IL2RA: variants seen among roughly 807,000 people sequenced by gnomAD.
IL2RA encodes the protein interleukin 2 receptor subunit alpha.
IL2RA carries 24 observed loss-of-function variants against 37.8 expected under a neutral mutation model. The ratio of observed to expected loss-of-function variants is 0.63; its 90% CI spans 0.46 to 0.89. IL2RA has a LOEUF of 0.89. Ranked by LOEUF, IL2RA falls within the 40% of genes least tolerant of loss-of-function variation. The pLI is 0.00. For synonymous variants in IL2RA, 125 were observed against 114.6 expected, an observed-to-expected ratio of 1.09 and a Z score of -0.58; for missense variants, 319 against 348.6, an observed-to-expected ratio of 0.92 and a Z score of 0.68.
At chr10:6,041,584 A>G (rs562519271) in intron 1 of IL2RA, among the ~76,000 whole-genome samples, 1 of 152,354 alleles carries the variant, frequency 6.6e-6, no homozygotes, top group Admixed American at 6.5e-5. Context: ...AATAGCATAA[A>G]TAAGTCCAAA....
At position 6,035,979 on chromosome 10, in the gene IL2RA, C is replaced by G. The variant is rs1342033166; in HGVS notation, c.65-9954G>C. On this transcript the variant is annotated intron_variant, in intron 1 of 7. Transcript: ENST00000379959. The surrounding 1 kb of genome is among the most constrained non-coding windows in gnomAD (Gnocchi z 5.4). ...GCTGAAGGGTAACATCCCTTGGGAG[C>G]TTTTGCCTTGTCTGGCTGACGCCTT... 6.6e-6 allele frequency: 1 copy of G among 152,312 alleles called. No homozygotes were observed. Among genetic ancestry groups the G allele is most frequent in the Non-Finnish European group, 1.5e-5 (1 of 68,094 alleles). The allele number at this position is 152,312 out of a possible 1,614,324, so 9.4% of individuals were successfully genotyped here.
intron 1 of IL2RA, among the ~76,000 whole-genome samples, chr10:6,045,521 G>A (rs902476989): frequency 2.6e-5 from 4 of 152,168 alleles, no homozygotes; most frequent in East Asian, 3.9e-4. Context: ...ACAGGCTTCC[G>A]GGCATGAAAG....
At chr10:6,041,361 C>T (rs919862342) in intron 1 of IL2RA, among the ~76,000 whole-genome samples, 7 of 151,986 alleles carry the variant, frequency 4.6e-5, no homozygotes, top group African/African-American at 1.4e-4. Context: ...GTGATCCACC[C>T]GCCTCGGCCT....
chr10:6,038,741 G>T (rs1224999616), intron 1 of IL2RA, among the ~76,000 whole-genome samples: 2 of 152,296 alleles, frequency 1.3e-5, no homozygotes, highest in East Asian at 3.9e-4. Flanking sequence ...TTGTTCTAAG[G>T]TTATTTATTA....
Position 6,021,549 on chromosome 10 carries a change from G to A in IL2RA, c.512C>T (p.Thr171Ile). Residue 171 changes from threonine (T) to isoleucine (I), a missense_variant, in exon 4 of 8, where the codon ACC becomes ATC. Coordinates refer to ENST00000379959, the MANE Select transcript of IL2RA (RefSeq NM_000417.3). This position sits in a 1 kb window ranked among gnomAD's most constrained non-coding sequence, Gnocchi z 4.9. ...RGPAESVCKM[T>I]HGKTRWTQPQ... ...CTGGGTCCACCTTGTCTTCCCGTGG[G>A]TCATTTTGCAGACGCTCTCAGCAGG... The A allele has an allele frequency of 6.2e-7, 1 of 1,613,954 alleles. No homozygotes were observed. Among genetic ancestry groups the A allele is most frequent in the Non-Finnish European group, 8.5e-7 (1 of 1,179,962 alleles).
At chr10:6,031,206 T>C (rs938181951) in intron 1 of IL2RA, among the ~76,000 whole-genome samples, 2 of 151,560 alleles carry the variant, frequency 1.3e-5, no homozygotes, top group Non-Finnish European at 2.9e-5. Flanking sequence ...GGCCCAACTA[T>C]ATGCTGTCTT....
chr10:6,055,792 G>GC (rs1564554282), intron 1 of IL2RA, among the ~76,000 whole-genome samples: 1 of 12,858 alleles, frequency 7.8e-5, no homozygotes, highest in African/African-American at 2.7e-4. Context: ...GGGCAGAGGC[G>GC]CCCCCCACCT....
Position 6,021,932 on chromosome 10 carries a change from G to A in IL2RA, c.368-239C>T, listed in dbSNP as rs902887175. On this transcript the variant is annotated intron_variant, in intron 3 of 7. Transcript: ENST00000379959. The surrounding 1 kb of genome is among the most constrained non-coding windows in gnomAD (Gnocchi z 4.9). ...GTGGACAGTGGATTGGGTAAGAAAGGCATGTGAAGGATAGCAGACGTTGGC... is the reference window on the plus strand; with the variant it reads ...GTGGACAGTGGATTGGGTAAGAAAGACATGTGAAGGATAGCAGACGTTGGC... Among the ~76,000 whole-genome samples the A allele has an allele frequency of 3.3e-5, 5 of 152,166 alleles. No individual in the cohort carries two copies. The highest frequency in any genetic ancestry group is 9.7e-5 in the African/African-American group (4 of 41,430).
At chr10:6,013,348 A>C (rs1357126659) in intron 7 of IL2RA, among the ~76,000 whole-genome samples, 1 of 152,232 alleles carries the variant, frequency 6.6e-6, no homozygotes. Flanking sequence ...CGAGGAACTG[A>C]ATTTTTAATT....
At chr10:6,051,258 C>G (rs962076055) in intron 1 of IL2RA, among the ~76,000 whole-genome samples, 1 of 152,104 alleles carries the variant, frequency 6.6e-6, no homozygotes, top group Non-Finnish European at 1.5e-5. Context: ...AGGCCTGCCC[C>G]CAGCCAGCGA....
At position 6,018,415 on chromosome 10, in the gene IL2RA, C is replaced by T. The variant is rs761763557; in HGVS notation, c.728-296G>A. ...AGGCCTCGTTTAAGGACACCGAGAG[C>T]GCCTGGTAAAAGAAATGTTGAAATA... is the stretch of plus-strand genomic sequence containing the variant. On this transcript the variant is annotated intron_variant, in intron 6 of 7. Transcript: ENST00000379959. This position sits in a 1 kb window ranked among gnomAD's most constrained non-coding sequence, Gnocchi z 5.1. Among the ~76,000 whole-genome samples, 2 of 152,086 alleles carry T rather than the reference C, an allele frequency of 1.3e-5. No homozygotes were observed. The highest frequency in any genetic ancestry group is 2.9e-5 in the Non-Finnish European group (2 of 68,014).
chr10:6,059,077 G>C (rs771423918), intron 1 of IL2RA, among the ~76,000 whole-genome samples: 2 of 152,216 alleles, frequency 1.3e-5, no homozygotes, highest in Admixed American at 6.5e-5. Flanking sequence ...TGGAGAAAAA[G>C]TCTGTGATGA....
rs564774559 is a variant in IL2RA, at chr10:6,030,188, C to T, written c.65-4163G>A. Among the ~76,000 whole-genome samples the T allele has an allele frequency of 7.2e-5, 11 of 152,056 alleles. 1 individual carries two copies. Among genetic ancestry groups the T allele is most frequent in the African/African-American group, 2.7e-4 (11 of 41,458 alleles). ...AGCCTAACCTACATTTAATTGAATT[C>T]CCAATGATAGAGAAGAGAAAGAATG... is the stretch of plus-strand genomic sequence containing the variant. On this transcript the variant is annotated intron_variant, in intron 1 of 7. Transcript: ENST00000379959.
At chr10:6,027,967 T>G (rs1839511571) in intron 1 of IL2RA, among the ~76,000 whole-genome samples, 1 of 152,150 alleles carries the variant, frequency 6.6e-6, no homozygotes, top group South Asian at 2.1e-4. Context: ...ACAGAGTAAC[T>G]GGGACCAAAA....
rs1294533650 is a variant in IL2RA at position 6,033,449 on chromosome 10, T to C, written c.65-7424A>G. Among the ~76,000 whole-genome samples the C allele has an allele frequency of 6.6e-6, 1 of 152,258 alleles. No homozygotes were observed. The highest frequency in any genetic ancestry group is 1.5e-5 in the Non-Finnish European group (1 of 68,044). On this transcript the variant is annotated intron_variant, in intron 1 of 7. Transcript: ENST00000379959. This position sits in a 1 kb window ranked among gnomAD's most constrained non-coding sequence, Gnocchi z 4.3. ...AGGGATGTGTCTACAGAAAGACTTT[T>C]ATAAAATATTTATAGTAACTTCTTT...
intron 7 of IL2RA, among the ~76,000 whole-genome samples, chr10:6,013,313 A>C (rs1176303785): frequency 6.6e-6 from 1 of 152,236 alleles, no homozygotes; most frequent in Non-Finnish European, 1.5e-5. Context: ...TGGCTAGGGA[A>C]CGCTTGAAAT....
chr10:6,053,528 A>G (rs1451020574), intron 1 of IL2RA, among the ~76,000 whole-genome samples: 1 of 152,212 alleles, frequency 6.6e-6, no homozygotes, highest in Non-Finnish European at 1.5e-5. Context: ...TTAACCAGTC[A>G]TGTTTCCTAG....
Position 6,014,598 on chromosome 10 carries a change from G to A in IL2RA, c.795-1702C>T, listed in dbSNP as rs1407954881. Among the ~76,000 whole-genome samples, 1 of 152,182 alleles carries A rather than the reference G, an allele frequency of 6.6e-6. No individual in the cohort carries two copies. The highest frequency in any genetic ancestry group is 1.5e-5 in the Non-Finnish European group (1 of 68,028). The stretch of plus-strand genomic sequence containing the variant: ...CAAATGAAAAAAATCCTTGCAAGGT[G>A]TTAAGGCTTGTCAGGTGTTCAGCCT... On this transcript the variant is annotated intron_variant, in intron 7 of 7. Transcript: ENST00000379959. The surrounding 1 kb of genome is among the most constrained non-coding windows in gnomAD (Gnocchi z 4.4).
chr10:6,031,292 A>G (rs1240440093), intron 1 of IL2RA, among the ~76,000 whole-genome samples: 4 of 151,522 alleles, frequency 2.6e-5, no homozygotes, highest in African/African-American at 9.7e-5. Context: ...ATCTACAAAG[A>G]TAAGCATAAG....
Sources: gnomAD v4.1 joint callset for allele counts (sites outside exome capture counted in the v4.1 genomes callset) on GRCh38, gnomAD v4.1.1 for gene constraint, Gnocchi (gnomAD v3.1) non-coding constraint, MANE v1.5 for transcripts, NCBI Gene and HGNC (gene_info 2026-07-23, HGNC 2026-07-21) for gene names.